Variants in TAFA2 observed in about 807,000 individuals in gnomAD.
TAFA2 encodes TAFA chemokine like family member 2, also known as chemokine-like protein TAFA-2.
Under a neutral mutation model 18.8 loss-of-function variants are expected in TAFA2, and 7 were observed. The observed-to-expected ratio is 0.37, with a 90% CI of 0.21 to 0.70. The LOEUF (loss-of-function observed/expected upper bound fraction) is 0.70. Ranked by LOEUF, TAFA2 falls within the 30% of genes least tolerant of loss-of-function variation. The probability of loss-of-function intolerance (pLI) is 0.53; values close to 1 mark genes in which losing one functional copy is unlikely to be tolerated. For synonymous variants in TAFA2, 60 were observed against 54.2 expected (o/e 1.11, Z -0.47); for missense variants, 122 against 158.1 (o/e 0.77, Z 1.23).
intron 2 of TAFA2, among the ~76,000 whole-genome samples, chr12:61,793,484 T>A (rs1028922077): frequency 5.9e-5 from 9 of 151,784 alleles, no homozygotes; most frequent in South Asian, 2.1e-4. Flanking sequence ...GCCAATAATT[T>A]GAGCAATTTA....
intron 1 of TAFA2, among the ~76,000 whole-genome samples, chr12:62,082,304 A>G (rs960327148): frequency 6.6e-6 from 1 of 152,204 alleles, no homozygotes; most frequent in African/African-American, 2.4e-5. Flanking sequence ...CTTTGGGTAT[A>G]TACCAGTAAT....
At chr12:61,867,936 A>G (rs1475609241) in intron 1 of TAFA2, among the ~76,000 whole-genome samples, 1 of 152,248 alleles carries the variant, frequency 6.6e-6, no homozygotes, top group East Asian at 1.9e-4. Flanking sequence ...GGTTATATAC[A>G]TTTCTTACTG....
At chr12:61,974,187 A>G (rs1182640430) in intron 1 of TAFA2, among the ~76,000 whole-genome samples, 1 of 151,786 alleles carries the variant, frequency 6.6e-6, no homozygotes, top group Non-Finnish European at 1.5e-5. Flanking sequence ...TCTCTATATA[A>G]TAAAATATAT....
intron 1 of TAFA2, among the ~76,000 whole-genome samples, chr12:61,941,165 C>T (rs1877989016): frequency 6.6e-6 from 1 of 151,882 alleles, no homozygotes; most frequent in Non-Finnish European, 1.5e-5. Context: ...TATATTGTTA[C>T]CATAAACAGC....
chr12:61,879,230 G>C lies in TAFA2; in HGVS notation c.-1-11804C>G, dbSNP rs183426272. ...AGGCCCAAAGTTCTTTCCATTAAAAGTCTGATAATGAAGAAGCAGCAGCTT... is the reference window on the plus strand; with the variant it reads ...AGGCCCAAAGTTCTTTCCATTAAAACTCTGATAATGAAGAAGCAGCAGCTT... On this transcript the variant is annotated intron_variant, in intron 1 of 4. Transcript: ENST00000416284. 1.4e-4 allele frequency: 52 copies of C among 369,692 alleles called. 1 individual carries two copies. In the East Asian group the frequency reaches 2.8e-3, roughly 20 times the overall value. 22.9% of individuals were successfully genotyped at this position (369,692 alleles called of 1,614,324 possible).
In TAFA2 at chr12:61,804,386, C is replaced by T. The variant is rs141991174; in HGVS notation, c.107-49362G>A. Among the ~76,000 whole-genome samples, 625 of 152,078 alleles carry T rather than the reference C, an allele frequency of 4.1e-3. 3 individuals carry two copies. Among genetic ancestry groups the T allele is most frequent in the Admixed American group, 6.2e-3 (95 of 15,282 alleles). The stretch of plus-strand genomic sequence containing the variant: ...ATTCTGGTTTATGCTGCTTTCTCAG[C>T]AATTCAAATTCAAGGAGACTTGAAT... On this transcript the variant is annotated intron_variant, in intron 2 of 4. Transcript: ENST00000416284.
At chr12:61,719,951 C>T (rs567245948) in intron 4 of TAFA2, among the ~76,000 whole-genome samples, 3 of 152,082 alleles carry the variant, frequency 2.0e-5, no homozygotes, top group African/African-American at 4.8e-5. Flanking sequence ...TTTAAAAATC[C>T]CCTTCTGTAA....
At chr12:62,179,870 C>T (rs994593030) in intron 1 of TAFA2, among the ~76,000 whole-genome samples, 2 of 152,196 alleles carry the variant, frequency 1.3e-5, no homozygotes, top group Admixed American at 6.5e-5. Context: ...GCCACCTTCT[C>T]AATCCCTGAC....
intron 1 of TAFA2, among the ~76,000 whole-genome samples, chr12:62,189,940 TTGTGTGTGTGTG>T (rs10643306): frequency 1.1e-4 from 15 of 141,924 alleles, no homozygotes; most frequent in African/African-American, 2.4e-4. Flanking sequence ...TGAGTTTGCT[TTGTGTGTGTGTG>T]TGTGTGTGTG....
chr12:62,240,927 C>A (rs1295489292), intron 1 of TAFA2, among the ~76,000 whole-genome samples: 4 of 152,034 alleles, frequency 2.6e-5, no homozygotes, highest in Admixed American at 1.3e-4. Flanking sequence ...GAATCTAATG[C>A]CTGATGATTT....
chr12:62,210,541 C>A (rs1039386819), intron 1 of TAFA2, among the ~76,000 whole-genome samples: 4 of 152,204 alleles, frequency 2.6e-5, no homozygotes, highest in African/African-American at 9.7e-5. Flanking sequence ...CAACTGCAGG[C>A]AGATGCTAAC....
chr12:61,919,187 T>C (rs2121360812), intron 1 of TAFA2, among the ~76,000 whole-genome samples: 1 of 152,330 alleles, frequency 6.6e-6, no homozygotes, highest in South Asian at 2.1e-4. Flanking sequence ...CTATTTCTGA[T>C]TTTGTTTAAA....
chr12:61,902,955 T>C (rs1353058667), intron 1 of TAFA2, among the ~76,000 whole-genome samples: 1 of 152,126 alleles, frequency 6.6e-6, no homozygotes, highest in East Asian at 1.9e-4. Context: ...TTTCAACCTG[T>C]CATCCCATCA....
In TAFA2 at chr12:62,116,856, A is replaced by C. The variant is rs531866238; in HGVS notation, c.-2+74403T>G. 1.1e-3 allele frequency among the ~76,000 whole-genome samples: 165 copies of C among 152,304 alleles called. 1 individual carries two copies. Among genetic ancestry groups the C allele is most frequent in the African/African-American group, 3.8e-3 (157 of 41,570 alleles). ...TCAAAATGTAACCTTATTTGGAGAT[A>C]AATGAGGTTGTCTATTTGGCCACTT... On this transcript the variant is annotated intron_variant, in intron 1 of 4. Transcript: ENST00000416284.
chr12:62,213,440 T>C (rs1216807564), intron 1 of TAFA2, among the ~76,000 whole-genome samples: 3 of 152,056 alleles, frequency 2.0e-5, no homozygotes, highest in African/African-American at 7.2e-5. Context: ...GTCAAGAGAT[T>C]GAGACCATCC....
At chr12:62,004,317 C>A (rs558449512) in intron 1 of TAFA2, among the ~76,000 whole-genome samples, 1 of 152,230 alleles carries the variant, frequency 6.6e-6, no homozygotes, top group East Asian at 1.9e-4. Context: ...CAAAGCATGG[C>A]TTTCTTTGTC....
chr12:62,246,797 T>C (rs2062888461), intron 1 of TAFA2, among the ~76,000 whole-genome samples: 1 of 152,174 alleles, frequency 6.6e-6, no homozygotes, highest in Admixed American at 6.5e-5. Flanking sequence ...CTCTAAATTT[T>C]GATATGCCAG....
chr12:62,135,937 C>T (rs1870878850), intron 1 of TAFA2: 1 of 152,116 alleles, frequency 6.6e-6, no homozygotes, highest in South Asian at 2.1e-4. Context: ...CCCTGATTGA[C>T]TTTTCCCTGC....
intron 1 of TAFA2, among the ~76,000 whole-genome samples, chr12:61,990,793 C>A (rs1044305704): frequency 6.6e-6 from 1 of 152,162 alleles, no homozygotes; most frequent in African/African-American, 2.4e-5. Flanking sequence ...ATTCTAACTG[C>A]TTGAATCCGC....
Sources: gnomAD v4.1 joint callset for allele counts (sites outside exome capture counted in the v4.1 genomes callset) on GRCh38, gnomAD v4.1.1 for gene constraint, MANE v1.5 for transcripts, NCBI Gene and HGNC (gene_info 2026-07-23, HGNC 2026-07-21) for gene names.